The following CEP63 variants were observed in gnomAD, a reference collection of about 807,000 sequenced individuals.
CEP63 encodes the protein centrosomal protein of 63 kDa.
In CEP63, 84 loss-of-function variants were observed where a neutral mutation model predicts 89.1. The observed-to-expected ratio is 0.94, with a 90% CI of 0.79 to 1.13. CEP63 has a LOEUF of 1.13. Ranked by LOEUF, CEP63 falls within the 50% of genes most tolerant of loss-of-function variation. The probability of loss-of-function intolerance (pLI) is 0.00; values close to 1 mark genes in which losing one functional copy is unlikely to be tolerated. For synonymous variants in CEP63, 267 were observed against 272.5 expected (o/e 0.98, Z 0.20); for missense variants, 838 against 813.3 (o/e 1.03, Z -0.37).
the CEP63 span, among the ~76,000 whole-genome samples, chr3:134,763,976 T>A: frequency 2.0e-5 from 3 of 152,148 alleles, no homozygotes; most frequent in African/African-American, 7.2e-5. Context: ...CCCTGGGTCA[T>A]AAGGATAGTC....
At chr3:134,580,214 T>C (rs1424116983) in intron 10 of CEP63, among the ~76,000 whole-genome samples, 1 of 133,364 alleles carries the variant, frequency 7.5e-6, no homozygotes, top group Non-Finnish European at 1.7e-5. Flanking sequence ...AAAAAAACAC[T>C]AAGTAAAAGA....
At chr3:134,594,978 T>A in the CEP63 span, among the ~76,000 whole-genome samples, 1 of 152,166 alleles carries the variant, frequency 6.6e-6, no homozygotes, top group African/African-American at 2.4e-5. Context: ...CCCCAGCACA[T>A]CCTGGGACCT....
chr3:134,594,798 C>CT, the CEP63 span, among the ~76,000 whole-genome samples: 4 of 152,224 alleles, frequency 2.6e-5, no homozygotes, highest in African/African-American at 9.6e-5. Context: ...TTACTGATCA[C>CT]TTATTCTAAA....
the CEP63 span, among the ~76,000 whole-genome samples, chr3:134,670,211 T>C: frequency 2.0e-5 from 3 of 152,242 alleles, no homozygotes; most frequent in African/African-American, 7.2e-5. Flanking sequence ...TCAAATATGA[T>C]TTTTGAGGCT....
the CEP63 span, among the ~76,000 whole-genome samples, chr3:134,690,618 T>G: frequency 6.6e-6 from 1 of 152,130 alleles, no homozygotes; most frequent in Non-Finnish European, 1.5e-5. Context: ...TCTGGGACAA[T>G]AGATCTCAAA....
chr3:134,611,722 T>C, the CEP63 span, among the ~76,000 whole-genome samples: 1 of 152,072 alleles, frequency 6.6e-6, no homozygotes, highest in Non-Finnish European at 1.5e-5. Flanking sequence ...GTCCAGGGTG[T>C]TGGTGGGGTC....
chr3:134,666,483 C>G, the CEP63 span, among the ~76,000 whole-genome samples: 1 of 152,228 alleles, frequency 6.6e-6, no homozygotes, highest in Non-Finnish European at 1.5e-5. Flanking sequence ...CTCATCTCTC[C>G]CCAGACTGTG....
At chr3:134,534,969 T>C (rs1008946383) in intron 5 of CEP63, among the ~76,000 whole-genome samples, 3 of 152,148 alleles carry the variant, frequency 2.0e-5, no homozygotes, top group African/African-American at 4.8e-5. Context: ...CCTTCCTTCC[T>C]GGAGGAACTA....
the CEP63 span, chr3:134,610,437 AGTCT>A: frequency 6.6e-7 from 1 of 1,505,546 alleles, no homozygotes; most frequent in Non-Finnish European, 9.1e-7. Flanking sequence ...CTTGCCTCCA[AGTCT>A]GTCCATGGTC....
intron 8 of CEP63, among the ~76,000 whole-genome samples, chr3:134,546,924 A>G (rs943022419): frequency 2.6e-5 from 4 of 152,188 alleles, no homozygotes; most frequent in African/African-American, 9.7e-5. Flanking sequence ...TGTTGGTGGA[A>G]TAAGTTGTGA....
At chr3:134,636,879 A>G in the CEP63 span, among the ~76,000 whole-genome samples, 1 of 152,162 alleles carries the variant, frequency 6.6e-6, no homozygotes, top group Non-Finnish European at 1.5e-5. Context: ...CTTAGTTACC[A>G]TTTTAAATTC....
exon 12 of CEP63, chr3:134,574,834 C>T (rs954840660): frequency 3.9e-5 from 25 of 633,424 alleles, no homozygotes; most frequent in East Asian, 1.2e-4. Context: ...TTTTGAACTT[C>T]GGGATTCAAG....
At chr3:134,633,050 C>T in the CEP63 span, among the ~76,000 whole-genome samples, 1 of 152,040 alleles carries the variant, frequency 6.6e-6, no homozygotes, top group African/African-American at 2.4e-5. Context: ...CTAACTACCA[C>T]AAAACTCATA....
chr3:134,734,935 G>A, the CEP63 span, among the ~76,000 whole-genome samples: 2,975 of 152,148 alleles, frequency 0.02, 97 homozygotes, highest in African/African-American at 0.068. Context: ...TCATTTTCCC[G>A]TATAACACTT....
At chr3:134,615,177 T>C in the CEP63 span, 40 of 152,436 alleles carry the variant, frequency 2.6e-4, no homozygotes, top group African/African-American at 9.6e-4. Context: ...AATAATTCTC[T>C]CTCCAGGGCC....
chr3:134,716,714 G>T, the CEP63 span, among the ~76,000 whole-genome samples: 1 of 152,134 alleles, frequency 6.6e-6, no homozygotes, highest in Non-Finnish European at 1.5e-5. Context: ...TGTCTTCGGA[G>T]TCATGCACAA....
chr3:134,643,843 T>TTC, the CEP63 span, among the ~76,000 whole-genome samples: 11 of 151,846 alleles, frequency 7.2e-5, no homozygotes, highest in South Asian at 2.3e-3. Context: ...TTTTTTTTTT[T>TTC]TGAGACGGAG....
the CEP63 span, among the ~76,000 whole-genome samples, chr3:134,655,128 T>C: frequency 6.6e-6 from 1 of 152,216 alleles, no homozygotes; most frequent in African/African-American, 2.4e-5. Context: ...GATAAAGTAC[T>C]TAGCTATGGG....
At chr3:134,496,629 G>A (rs766911685) in intron 2 of CEP63, among the ~76,000 whole-genome samples, 6 of 152,130 alleles carry the variant, frequency 3.9e-5, no homozygotes, top group Non-Finnish European at 8.8e-5. Flanking sequence ...TCTTTTTGTG[G>A]CCACAGAATC....
Sources: allele counts gnomAD v4.1 joint callset (sites outside exome capture counted in the v4.1 genomes callset), GRCh38; gene constraint gnomAD v4.1.1; transcripts MANE v1.5; gene names NCBI Gene and HGNC (gene_info 2026-07-23, HGNC 2026-07-21).